The following PPP3CC variants were observed in gnomAD, a reference collection of about 807,000 sequenced individuals.
The protein encoded by PPP3CC is protein phosphatase 3 catalytic subunit gamma.
Under a neutral mutation model 60.3 loss-of-function variants are expected in PPP3CC, and 35 were observed. The ratio of observed to expected loss-of-function variants is 0.58; its 90% CI spans 0.44 to 0.77. PPP3CC has a LOEUF of 0.77. Ranked by LOEUF, PPP3CC falls within the 30% of genes least tolerant of loss-of-function variation. The pLI, the probability that PPP3CC is intolerant of heterozygous loss-of-function variation, is 0.00. For synonymous variants in PPP3CC, 206 were observed against 224.3 expected (o/e 0.92, Z 0.73); for missense variants, 570 against 628.9 (o/e 0.91, Z 1.00).
At chr8:22,483,448 G>C (rs796342598) in intron 3 of PPP3CC, among the ~76,000 whole-genome samples, 12 of 152,012 alleles carry the variant, frequency 7.9e-5, no homozygotes, top group Admixed American at 1.3e-4. Flanking sequence ...CGCTACGCCC[G>C]GCTAATTTTT....
At chr8:22,475,647 T>G (rs563142203) in intron 3 of PPP3CC, 23 bp downstream of exon 3, 2 of 1,598,808 alleles carry the variant, frequency 1.3e-6, no homozygotes, top group South Asian at 2.3e-5. Context: ...CTGGATATGT[T>G]GGGACTATTA....
chr8:22,538,431 C>G (rs1216973840), intron 12 of PPP3CC, among the ~76,000 whole-genome samples: 1 of 152,178 alleles, frequency 6.6e-6, no homozygotes, highest in Non-Finnish European at 1.5e-5. Flanking sequence ...GAAAGCACTT[C>G]ATAAGTAGAT....
chr8:22,457,434 C>G (rs1837236424), intron 1 of PPP3CC, among the ~76,000 whole-genome samples: 1 of 151,944 alleles, frequency 6.6e-6, no homozygotes, highest in African/African-American at 2.4e-5. Flanking sequence ...TCTGGAGTAG[C>G]TGGGACTACA....
chr8:22,469,040 T>C (rs575244928), intron 1 of PPP3CC, among the ~76,000 whole-genome samples: 3 of 152,288 alleles, frequency 2.0e-5, no homozygotes, highest in African/African-American at 7.2e-5. Context: ...TCAACATGTT[T>C]ATTGCAGTAC....
chr8:22,525,442 CTCTT>C (rs1235287753), intron 8 of PPP3CC, among the ~76,000 whole-genome samples: 4 of 150,832 alleles, frequency 2.7e-5, no homozygotes, highest in Admixed American at 1.3e-4. Context: ...TCTTTTCTCT[CTCTT>C]TCTCTCTCTC....
chr8:22,503,923 G>A (rs1838835044), intron 4 of PPP3CC, among the ~76,000 whole-genome samples: 1 of 152,130 alleles, frequency 6.6e-6, no homozygotes, highest in Non-Finnish European at 1.5e-5. Context: ...CTCTGCATGG[G>A]TGTTTTTACT....
At chr8:22,446,008 A>T (rs1465967925) in intron 1 of PPP3CC, among the ~76,000 whole-genome samples, 4 of 152,224 alleles carry the variant, frequency 2.6e-5, no homozygotes. Context: ...GGTTGTGATC[A>T]AAGCTTTATT....
intron 1 of PPP3CC, among the ~76,000 whole-genome samples, chr8:22,455,055 C>CAAA (rs5890035): frequency 6.0e-4 from 55 of 91,204 alleles, no homozygotes; most frequent in East Asian, 1.5e-3. Context: ...GACTCCATCT[C>CAAA]AAAAAAAAAA....
At chr8:22,446,147 T>C (rs930443603) in intron 1 of PPP3CC, among the ~76,000 whole-genome samples, 3 of 152,154 alleles carry the variant, frequency 2.0e-5, no homozygotes, top group Admixed American at 2.0e-4. Flanking sequence ...TGGGAAAATG[T>C]ACAAATTATA....
At chr8:22,531,673 T>G (rs1839720039) in intron 10 of PPP3CC, among the ~76,000 whole-genome samples, 1 of 152,344 alleles carries the variant, frequency 6.6e-6, no homozygotes, top group East Asian at 1.9e-4. Flanking sequence ...TTTAAAATAG[T>G]GCACAGTTGT....
At chr8:22,534,207 A>AC (rs1042204518) in intron 12 of PPP3CC, among the ~76,000 whole-genome samples, 2 of 151,612 alleles carry the variant, frequency 1.3e-5, no homozygotes, top group African/African-American at 4.8e-5. Context: ...AAAAAAAAAA[A>AC]AAAAAACAAA....
intron 3 of PPP3CC, among the ~76,000 whole-genome samples, chr8:22,493,580 C>A (rs1382690328): frequency 6.6e-6 from 1 of 152,040 alleles, no homozygotes; most frequent in African/African-American, 2.4e-5. Flanking sequence ...TGAAGACACA[C>A]ACACACACAT....
intron 13 of PPP3CC, among the ~76,000 whole-genome samples, chr8:22,539,740 C>A (rs1016769525): frequency 6.6e-6 from 1 of 152,152 alleles, no homozygotes; most frequent in Non-Finnish European, 1.5e-5. Context: ...AGCTTTAATG[C>A]AACGGCAGAA....
At chr8:22,509,928 G>A (rs1180650640) in intron 4 of PPP3CC, among the ~76,000 whole-genome samples, 2 of 152,152 alleles carry the variant, frequency 1.3e-5, no homozygotes, top group Non-Finnish European at 2.9e-5. Context: ...GCTCACGCCT[G>A]TAATCCCAGC....
rs186911868 is a variant in PPP3CC, at chr8:22,460,870, G to C, written c.50-14084G>C. Among the ~76,000 whole-genome samples the C allele has an allele frequency of 7.2e-5, 11 of 152,274 alleles. No individual in the cohort carries two copies. The East Asian group carries it at 2.1e-3, about 29-fold the overall frequency. ...CTTTATTTATTTATTTTTTGAGATA[G>C]AGTCTTGCTCAGTTGCCCAGGCTGG... On this transcript the variant is annotated intron_variant, in intron 1 of 13. Coordinates refer to ENST00000240139, the MANE Select transcript of PPP3CC (RefSeq NM_005605.5).
intron 10 of PPP3CC, among the ~76,000 whole-genome samples, chr8:22,529,468 T>G (rs923836211): frequency 3.3e-5 from 5 of 152,198 alleles, no homozygotes; most frequent in Non-Finnish European, 7.3e-5. Context: ...CTCTCTTTTG[T>G]GACTTGTCAA....
At chr8:22,466,009 C>A (rs897716109) in intron 1 of PPP3CC, among the ~76,000 whole-genome samples, 1 of 152,096 alleles carries the variant, frequency 6.6e-6, no homozygotes, top group African/African-American at 2.4e-5. Flanking sequence ...TCCGACCAGC[C>A]CCAGTGTGTG....
chr8:22,446,877 T>C (rs1041961600), intron 1 of PPP3CC, among the ~76,000 whole-genome samples: 14 of 151,626 alleles, frequency 9.2e-5, no homozygotes, highest in African/African-American at 3.4e-4. Context: ...ATTATTCATT[T>C]AATTCCGGGA....
At chr8:22,477,482 A>AAAAG (rs113298288) in intron 3 of PPP3CC, among the ~76,000 whole-genome samples, 94 of 146,038 alleles carry the variant, frequency 6.4e-4, no homozygotes, top group South Asian at 1.7e-3. Context: ...TCAAAAAAAA[A>AAAAG]AAAGAAAGAA....
Sources: allele counts gnomAD v4.1 joint callset (sites outside exome capture counted in the v4.1 genomes callset), GRCh38; gene constraint gnomAD v4.1.1; transcripts MANE v1.5; gene names NCBI Gene and HGNC (gene_info 2026-07-23, HGNC 2026-07-21).